The following GALNT11 variants were observed in gnomAD, a reference collection of about 807,000 sequenced individuals.
GALNT11 encodes polypeptide N-acetylgalactosaminyltransferase 11.
GALNT11 carries 47 observed loss-of-function variants against 72.7 expected under a neutral mutation model. That is an observed-to-expected ratio of 0.65 (90% confidence interval 0.51 to 0.82). GALNT11 has a LOEUF of 0.82. Among genes scored for constraint, GALNT11 ranks in the 40% least tolerant of loss-of-function variants. The probability of loss-of-function intolerance (pLI) is 0.00; values close to 1 mark genes in which losing one functional copy is unlikely to be tolerated. For synonymous variants in GALNT11, 270 were observed against 286.6 expected (o/e 0.94, Z 0.58); for missense variants, 677 against 778.4 (o/e 0.87, Z 1.55).
chr7:152,073,712 T>A (rs1009461681), intron 1 of GALNT11, among the ~76,000 whole-genome samples: 5 of 152,188 alleles, frequency 3.3e-5, no homozygotes, highest in African/African-American at 1.2e-4. Context: ...TTGAGGAGCC[T>A]CTATACTGTT....
At chr7:152,040,062 T>C (rs551429609) in intron 1 of GALNT11, among the ~76,000 whole-genome samples, 1 of 152,232 alleles carries the variant, frequency 6.6e-6, no homozygotes, top group Non-Finnish European at 1.5e-5. Flanking sequence ...TTGAGAATTA[T>C]ATGGGATACC....
chr7:152,035,331 A>G (rs1259812269), intron 1 of GALNT11, among the ~76,000 whole-genome samples: 1 of 152,232 alleles, frequency 6.6e-6, no homozygotes. Context: ...GAAAAGCACC[A>G]GAGACAGGGA....
At chr7:152,058,549 T>C (rs758574718) in intron 1 of GALNT11, among the ~76,000 whole-genome samples, 1 of 152,180 alleles carries the variant, frequency 6.6e-6, no homozygotes, top group Non-Finnish European at 1.5e-5. Flanking sequence ...TTGGCCAGGC[T>C]GGTCTCAAAT....
Position 152,094,242 on chromosome 7 carries a change from A to T in GALNT11, c.15A>T (p.Thr5=), listed in dbSNP as rs772860804. The T allele has an allele frequency of 6.2e-7, 1 of 1,604,018 alleles. No individual in the cohort carries two copies. The highest frequency in any genetic ancestry group is 8.5e-7 in the Non-Finnish European group (1 of 1,174,386). MGSV[T]VRYFCYGCLF... is the part of the protein sequence containing the mutation. ...CTAGGTCTATAATGGGAAGTGTCAC[A>T]GTTCGGTATTTCTGTTATGGGTGCC... The change falls in exon 2 of 12, where the codon ACA becomes ACT. Residue 5 remains threonine (T), a synonymous_variant. Transcript: ENST00000430044. This position sits in a 1 kb window ranked among gnomAD's most constrained non-coding sequence, Gnocchi z 4.3.
At chr7:152,087,317 C>T (rs1055713495) in intron 1 of GALNT11, among the ~76,000 whole-genome samples, 2 of 152,134 alleles carry the variant, frequency 1.3e-5, no homozygotes, top group Non-Finnish European at 2.9e-5. Context: ...AGCAAAGATT[C>T]AATGGCAGTG....
intron 1 of GALNT11, among the ~76,000 whole-genome samples, chr7:152,031,922 C>T (rs1025848513): frequency 1.3e-5 from 2 of 152,008 alleles, no homozygotes; most frequent in Non-Finnish European, 2.9e-5. Context: ...TTGAAGGAAC[C>T]CCCACAACTG....
intron 1 of GALNT11, among the ~76,000 whole-genome samples, chr7:152,080,262 C>G (rs1284067067): frequency 1.3e-5 from 2 of 152,158 alleles, no homozygotes; most frequent in Non-Finnish European, 2.9e-5. Flanking sequence ...CTATGGAAAT[C>G]CCCTTTGCTT....
intron 1 of GALNT11, among the ~76,000 whole-genome samples, chr7:152,087,896 T>A (rs192452390): frequency 6.6e-6 from 1 of 152,378 alleles, no homozygotes; most frequent in East Asian, 1.9e-4. Context: ...TTGATGAAAA[T>A]GAGGCTAAGA....
intron 1 of GALNT11, among the ~76,000 whole-genome samples, chr7:152,047,200 G>A (rs1274816927): frequency 1.3e-5 from 2 of 152,096 alleles, no homozygotes; most frequent in Non-Finnish European, 2.9e-5. Context: ...GCTGGGCACG[G>A]TGGTTCACAC....
intron 1 of GALNT11, among the ~76,000 whole-genome samples, chr7:152,028,798 G>A (rs540882872): frequency 9.2e-5 from 14 of 152,188 alleles, no homozygotes; most frequent in Non-Finnish European, 1.9e-4. Flanking sequence ...TCCTCCAGAG[G>A]GGAACTCTTT....
chr7:152,095,971 G>T (rs1002241522), intron 2 of GALNT11, among the ~76,000 whole-genome samples: 1 of 152,156 alleles, frequency 6.6e-6, no homozygotes, highest in Admixed American at 6.5e-5. Context: ...TTTTTATACT[G>T]TAGCAACAAG....
chr7:152,100,904 A>G lies in GALNT11; in HGVS notation c.402A>G (p.Pro134=). 6.2e-7 allele frequency: 1 copy of G among 1,613,922 alleles called. No homozygotes were observed. Among genetic ancestry groups the G allele is most frequent in the Non-Finnish European group, 8.5e-7 (1 of 1,179,928 alleles). ...SDRLGYHRDV[P]DTRNAACKEK... The stretch of plus-strand genomic sequence containing the variant: ...GCTTGGGCTACCACAGAGATGTGCC[A>G]GACACAAGGAATGCAGCGTATGTGC... Residue 134 remains proline, a synonymous_variant, in exon 3 of 12, where the codon CCA becomes CCG. Coordinates refer to ENST00000430044, the MANE Select transcript of GALNT11 (RefSeq NM_022087.4).
chr7:152,038,380 G>C (rs1344771777), intron 1 of GALNT11, among the ~76,000 whole-genome samples: 1 of 152,234 alleles, frequency 6.6e-6, no homozygotes, highest in Non-Finnish European at 1.5e-5. Flanking sequence ...CTTACCTGCA[G>C]CATAAGTATG....
At chr7:152,056,485 A>G (rs1395463766) in intron 1 of GALNT11, among the ~76,000 whole-genome samples, 1 of 152,224 alleles carries the variant, frequency 6.6e-6, no homozygotes, top group Non-Finnish European at 1.5e-5. Context: ...TGAAGAGACT[A>G]CAACTTAACC....
chr7:152,050,960 G>A (rs1042927849), intron 1 of GALNT11, among the ~76,000 whole-genome samples: 2 of 152,150 alleles, frequency 1.3e-5, no homozygotes, highest in Non-Finnish European at 2.9e-5. Flanking sequence ...CCCAAACACA[G>A]AGATTCTCTT....
intron 1 of GALNT11, among the ~76,000 whole-genome samples, chr7:152,040,959 C>T (rs1209860753): frequency 6.6e-6 from 1 of 152,198 alleles, no homozygotes; most frequent in East Asian, 1.9e-4. Context: ...CAGCTTTCCT[C>T]AGGTTTTCTT....
chr7:152,120,932 C>G lies in GALNT11; in HGVS notation c.1659C>G (p.Cys553Trp). 6.2e-7 allele frequency: 1 copy of G among 1,614,056 alleles called. No individual in the cohort carries two copies. Among genetic ancestry groups the G allele is most frequent in the Non-Finnish European group, 8.5e-7 (1 of 1,179,986 alleles). The change falls in exon 11 of 12, where the codon TGC becomes TGG. Residue 553 changes from cysteine (C) to tryptophan (W), a missense_variant. Physicochemically the swap from Cys to Trp is radical, Grantham distance 215. Coordinates refer to ENST00000430044, the MANE Select transcript of GALNT11 (RefSeq NM_022087.4). ...CAGACCCGCCACGGCTCATGAAATG[C>G]CACGGGTCAGGAGGATCCCAGCAGT... Reference protein sequence around the residue: ...RSSDPPRLMKCHGSGGSQQWT... With the variant: ...RSSDPPRLMKWHGSGGSQQWT...
intron 1 of GALNT11, among the ~76,000 whole-genome samples, chr7:152,080,370 T>G (rs931661272): frequency 1.3e-5 from 2 of 152,224 alleles, no homozygotes; most frequent in African/African-American, 4.8e-5. Flanking sequence ...AGGGAGTTTC[T>G]GTCTAAGAAA....
At chr7:152,061,287 T>C (rs2084000033) in intron 1 of GALNT11, among the ~76,000 whole-genome samples, 1 of 152,270 alleles carries the variant, frequency 6.6e-6, no homozygotes, top group South Asian at 2.1e-4. Context: ...GAGAAGTGTC[T>C]GTTCATATCT....
Sources: gnomAD v4.1 joint callset for allele counts (sites outside exome capture counted in the v4.1 genomes callset) on GRCh38, gnomAD v4.1.1 for gene constraint, Gnocchi (gnomAD v3.1) non-coding constraint, MANE v1.5 for transcripts, NCBI Gene and HGNC (gene_info 2026-07-23, HGNC 2026-07-21) for gene names.